Variants in ZNF131 observed in about 807,000 individuals in gnomAD.
The protein encoded by ZNF131 is zinc finger and BTB domain containing 35.
Under a neutral mutation model 60.0 loss-of-function variants are expected in ZNF131, and 7 were observed. The observed-to-expected ratio is 0.12, with a 90% CI of 0.07 to 0.22. The LOEUF (loss-of-function observed/expected upper bound fraction) is 0.22, where lower values mean the gene tolerates loss of function less well. Ranked by LOEUF, ZNF131 falls within the 10% of genes least tolerant of loss-of-function variation. ZNF131 has a pLI of 1.00. For missense variants in ZNF131, 493 were observed against 740.9 expected (o/e 0.67, Z 3.88); for synonymous variants, 257 against 253.2 (o/e 1.01, Z -0.14).
chr5:43,171,558 G>GA (rs897064494), intron 5 of ZNF131, among the ~76,000 whole-genome samples: 4 of 151,774 alleles, frequency 2.6e-5, no homozygotes, highest in African/African-American at 7.2e-5. Context: ...AACTCCGTCT[G>GA]AAAAAAAAGA....
chr5:43,171,013 C>G (rs1013605871), intron 5 of ZNF131, among the ~76,000 whole-genome samples: 1 of 151,478 alleles, frequency 6.6e-6, no homozygotes, highest in Non-Finnish European at 1.5e-5. Flanking sequence ...GGCCTGTTCT[C>G]GGCTCACTGC....
intron 3 of ZNF131, among the ~76,000 whole-genome samples, chr5:43,134,089 C>T (rs890759901): frequency 6.6e-6 from 1 of 152,118 alleles, no homozygotes; most frequent in Non-Finnish European, 1.5e-5. Flanking sequence ...AAACTATAGC[C>T]CAATATCCTT....
intron 1 of ZNF131, 41 bp from the exon 2 acceptor site, chr5:43,121,998 T>A (rs749781006): frequency 6.3e-6 from 10 of 1,587,274 alleles, no homozygotes; most frequent in African/African-American, 1.4e-5. Context: ...GTTCCTCGGC[T>A]CGAGCTCATG....
chr5:43,136,179 T>C (rs1321345274), intron 3 of ZNF131, among the ~76,000 whole-genome samples: 3 of 152,190 alleles, frequency 2.0e-5, no homozygotes, highest in Non-Finnish European at 4.4e-5. Flanking sequence ...CGGAAATGCT[T>C]GTTGGAGCAT....
chr5:43,150,103 A>G (rs1256310725), intron 4 of ZNF131, among the ~76,000 whole-genome samples: 1 of 152,192 alleles, frequency 6.6e-6, no homozygotes, highest in South Asian at 2.1e-4. Context: ...ACAGTGGCCT[A>G]GGTGTGTACC....
Position 43,122,095 on chromosome 5 carries a change from T to G in ZNF131, c.42T>G (p.Pro14=). The G allele has an allele frequency of 6.2e-7, 1 of 1,614,096 alleles. No homozygotes were observed. The highest frequency in any genetic ancestry group is 8.5e-7 in the Non-Finnish European group (1 of 1,180,004). Reference sequence around the variant, plus strand: ...CGATGGAATGCCTTCAGGAGTTCCCTGAACATCATAAAATGATCCTCGACC... The same window carrying G: ...CGATGGAATGCCTTCAGGAGTTCCCGGAACATCATAAAATGATCCTCGACC... ...EETMECLQEF[P]EHHKMILDRL... The change falls in exon 2 of 7, where the codon CCT becomes CCG. Residue 14 remains proline, a synonymous_variant. Coordinates refer to ENST00000682664, the MANE Select transcript of ZNF131 (RefSeq NM_001330707.2).
intron 3 of ZNF131, chr5:43,124,390 G>A (rs1424044511): frequency 6.6e-6 from 1 of 151,560 alleles, no homozygotes; most frequent in Non-Finnish European, 1.5e-5. Context: ...CGTATTCTTT[G>A]TTCTGAATGG....
rs375697031 is a variant in ZNF131, at chr5:43,161,818, A to T, written c.941A>T (p.Glu314Val). Residue 314 changes from glutamate to valine, a missense_variant, in exon 5 of 7, where the codon GAA becomes GTA. Physicochemically the swap from Glu to Val is moderately radical, Grantham distance 121. Around this residue, in one of 7 missense-constraint regions of ZNF131, gnomAD observed 22 missense variants for 26.7 expected, o/e 0.82. Coordinates refer to ENST00000682664, the MANE Select transcript of ZNF131 (RefSeq NM_001330707.2). ...KQHLNCYHLE[E>V]GGVSKKQRTG... is the part of the protein sequence containing the mutation. The stretch of plus-strand genomic sequence containing the variant: ...CACCTAAATTGTTACCACCTTGAAG[A>T]AGGTGGAGTCAGTAAGAAGCAAAGA... 23 of 1,614,110 alleles carry T rather than the reference A, an allele frequency of 1.4e-5. No individual in the cohort carries two copies. The highest frequency in any genetic ancestry group is 1.9e-5 in the Non-Finnish European group (23 of 1,180,046).
At position 43,147,754 on chromosome 5, in the gene ZNF131, G is replaced by T. The variant is rs559975228; in HGVS notation, c.371+8445G>T. 2.6e-4 allele frequency among the ~76,000 whole-genome samples: 39 copies of T among 150,632 alleles called. 1 individual carries two copies. The South Asian group carries it at 8.3e-3, about 32-fold the overall frequency. ...AGTTTAAAAAAAAAAAAAACAGTTTGGAAGTTTTTTGGTTTTATGGCCGGG... is the reference window on the plus strand; with the variant it reads ...AGTTTAAAAAAAAAAAAAACAGTTTTGAAGTTTTTTGGTTTTATGGCCGGG... On this transcript the variant is annotated intron_variant, in intron 4 of 6. Transcript: ENST00000682664.
intron 4 of ZNF131, among the ~76,000 whole-genome samples, chr5:43,157,791 CTCTTCTG>C (rs1330545529): frequency 3.3e-5 from 5 of 152,188 alleles, no homozygotes; most frequent in Non-Finnish European, 7.3e-5. Context: ...TCGTTTTTGC[CTCTTCTG>C]GCTTCTGGCG....
At chr5:43,158,946 G>T (rs1213557887) in intron 4 of ZNF131, among the ~76,000 whole-genome samples, 2 of 151,828 alleles carry the variant, frequency 1.3e-5, no homozygotes. Flanking sequence ...TCCTGCCACA[G>T]TGTCATGGAT....
Position 43,173,461 on chromosome 5 carries a change from A to G in ZNF131, c.1185+13A>G. 1.2e-6 allele frequency: 2 copies of G among 1,609,694 alleles called. No individual in the cohort carries two copies. Among genetic ancestry groups the G allele is most frequent in the Non-Finnish European group, 1.7e-6 (2 of 1,177,238 alleles). ...CTACGAATGCCAGGTATGTGCAGAT[A>G]CATACATTCAGTTCTTAACAAAGGA... On this transcript the variant is annotated intron_variant, in intron 6 of 6. Coordinates refer to ENST00000682664, the MANE Select transcript of ZNF131 (RefSeq NM_001330707.2).
chr5:43,162,969 CTTTT>C (rs1205635519), intron 5 of ZNF131, among the ~76,000 whole-genome samples: 4 of 64,924 alleles, frequency 6.2e-5, no homozygotes, highest in African/African-American at 2.0e-4. Flanking sequence ...TTTTATTTGC[CTTTT>C]TTTTTTTTTT....
chr5:43,151,581 C>T (rs1298352339), intron 4 of ZNF131, among the ~76,000 whole-genome samples: 2 of 152,094 alleles, frequency 1.3e-5, no homozygotes, highest in African/African-American at 2.4e-5. Flanking sequence ...ATTACAGGCA[C>T]CTGCCACCTC....
intron 5 of ZNF131, among the ~76,000 whole-genome samples, chr5:43,164,648 T>C (rs1279486829): frequency 6.6e-6 from 1 of 152,180 alleles, no homozygotes; most frequent in Non-Finnish European, 1.5e-5. Flanking sequence ...TCTTAGAAAA[T>C]AGGACAACAC....
At chr5:43,166,146 CTT>C (rs1385296596) in intron 5 of ZNF131, among the ~76,000 whole-genome samples, 18 of 152,228 alleles carry the variant, frequency 1.2e-4, no homozygotes, top group African/African-American at 4.3e-4. Flanking sequence ...GTTACTCACT[CTT>C]TCTTCATAAG....
intron 4 of ZNF131, among the ~76,000 whole-genome samples, chr5:43,141,637 G>A (rs999133522): frequency 7.2e-5 from 11 of 151,986 alleles, no homozygotes; most frequent in African/African-American, 2.4e-4. Context: ...GCACTGTGGC[G>A]TGCAACTGTA....
chr5:43,166,430 G>A (rs777432712), intron 5 of ZNF131, among the ~76,000 whole-genome samples: 7 of 150,814 alleles, frequency 4.6e-5, no homozygotes, highest in Admixed American at 1.3e-4. Context: ...ATGCGATCTC[G>A]GCTCACTGCA....
Position 43,175,690 on chromosome 5 carries a change from G to A in ZNF131, c.*557G>A. 3 of 326,926 alleles carry A rather than the reference G, an allele frequency of 9.2e-6. No homozygotes were observed. The highest frequency in any genetic ancestry group is 6.5e-5 in the South Asian group (1 of 15,450). The allele number at this position is 326,926 out of a possible 1,614,324, so 20.3% of individuals were successfully genotyped here. On this transcript the variant is annotated 3_prime_UTR_variant, in exon 7 of 7. Transcript: ENST00000682664. ...ACAGATGCCATCTTTGCAACAGAAA[G>A]AGTGGTGGTGGCAAAATTTCTAGAA...
Sources: gnomAD v4.1 joint callset for allele counts (sites outside exome capture counted in the v4.1 genomes callset) on GRCh38, gnomAD v4.1.1 for gene constraint, gnomAD v4.1.1 regional missense constraint, MANE v1.5 for transcripts, NCBI Gene and HGNC (gene_info 2026-07-23, HGNC 2026-07-21) for gene names.